ABI2: variants seen among roughly 807,000 people sequenced by gnomAD.
The protein encoded by ABI2 is abelson interactor 2.
In ABI2, 25 loss-of-function variants were observed where a neutral mutation model predicts 59.2. The observed-to-expected ratio is 0.42, with a 90% confidence interval of 0.31 to 0.59. ABI2 has a LOEUF of 0.59. Among genes scored for constraint, ABI2 ranks in the 20% least tolerant of loss-of-function variants. The pLI, the probability that ABI2 is intolerant of heterozygous loss-of-function variation, is 0.14. For synonymous variants in ABI2, 213 were observed against 235.5 expected, an observed-to-expected ratio of 0.90 and a Z score of 0.87; for missense variants, 545 against 681.8, an observed-to-expected ratio of 0.80 and a Z score of 2.23.
chr2:203,379,027 GT>G (rs1440288472), intron 2 of ABI2, among the ~76,000 whole-genome samples: 1 of 152,158 alleles, frequency 6.6e-6, no homozygotes, highest in African/African-American at 2.4e-5. Flanking sequence ...GCAGCTTGCA[GT>G]TTAAAAAATT....
In ABI2 at chr2:203,350,986, T is replaced by G. The variant is rs978408981; in HGVS notation, c.118-15891T>G. Among the ~76,000 whole-genome samples the G allele has an allele frequency of 4.4e-4, 67 of 152,168 alleles. 1 individual carries two copies. Among genetic ancestry groups the G allele is most frequent in the Non-Finnish European group, 1.5e-4 (10 of 68,032 alleles). On this transcript the variant is annotated intron_variant, in intron 1 of 11. Transcript: ENST00000261018. ...CTCCTAGGAGTTTTATAGTTTTAGCTCTTACATTTAGATCTTTGATCCATT... is the reference window on the plus strand; with the variant it reads ...CTCCTAGGAGTTTTATAGTTTTAGCGCTTACATTTAGATCTTTGATCCATT...
At chr2:203,418,646 C>CT (rs1580673277) in intron 11 of ABI2, among the ~76,000 whole-genome samples, 1 of 152,314 alleles carries the variant, frequency 6.6e-6, no homozygotes, top group East Asian at 1.9e-4. Flanking sequence ...GACACTAGTC[C>CT]TTTTTTCACC....
At chr2:203,349,700 C>T (rs371257211) in intron 1 of ABI2, among the ~76,000 whole-genome samples, 2 of 151,746 alleles carry the variant, frequency 1.3e-5, no homozygotes, top group Non-Finnish European at 2.9e-5. Flanking sequence ...CCACTGTGCC[C>T]GGCTGTGTTC....
rs138159520 is a variant in ABI2 at position 203,406,688 on chromosome 2, A to G, written c.1192+3954A>G. Among the ~76,000 whole-genome samples the G allele has an allele frequency of 1.2e-4, 18 of 152,192 alleles. 1 individual carries two copies. The East Asian group carries it at 3.5e-3, about 29-fold the overall frequency. On this transcript the variant is annotated intron_variant, in intron 9 of 11. Coordinates refer to ENST00000261018, the MANE Select transcript of ABI2 (RefSeq NM_001375670.1). ...GCAGGAAGATTTTTTTTTCTCCCCA[A>G]AGTCTTGCTTTGTTGTCCAGGCTGG...
At position 203,415,616 on chromosome 2, in the gene ABI2, CAAAAAAAAAAA is replaced by C. The variant is rs71007515; in HGVS notation, c.1280-1275_1280-1265del. The stretch of plus-strand genomic sequence containing the variant: ...TGGGCGATAGAGCGAGACTCCGTCT[CAAAAAAAAAAA>C]AAAAAAAAAAAAAAAATCCATTTAA... On this transcript the variant is annotated intron_variant, in intron 10 of 11. Coordinates refer to ENST00000261018, the MANE Select transcript of ABI2 (RefSeq NM_001375670.1). Among the ~76,000 whole-genome samples, 28 of 42,342 alleles carry C rather than the reference CAAAAAAAAAAA, an allele frequency of 6.6e-4. 1 individual carries two copies. The highest frequency in any genetic ancestry group is 3.6e-3 in the East Asian group (5 of 1,402). The allele number at this position is 42,342 out of a possible 152,430, so 27.8% of individuals were successfully genotyped here.
At chr2:203,331,705 T>A (rs2152302025) in intron 1 of ABI2, among the ~76,000 whole-genome samples, 1 of 152,124 alleles carries the variant, frequency 6.6e-6, no homozygotes, top group African/African-American at 2.4e-5. Context: ...TAGCTCGAGT[T>A]AACTAACCCA....
intron 3 of ABI2, 92 bp downstream of exon 3, chr2:203,380,476 C>T (rs1216375226): frequency 5.0e-6 from 4 of 807,734 alleles, no homozygotes; most frequent in Admixed American, 3.4e-5. Context: ...TCTTTCTTTC[C>T]TAGAGGACAA....
intron 1 of ABI2, among the ~76,000 whole-genome samples, chr2:203,354,096 G>C (rs2090563538): frequency 6.6e-6 from 1 of 152,162 alleles, no homozygotes; most frequent in South Asian, 2.1e-4. Flanking sequence ...CCAGGTTGGA[G>C]TGCGGTGGCG....
In ABI2 at chr2:203,344,512, A is replaced by C. The variant is rs564034554; in HGVS notation, c.117+15881A>C. On this transcript the variant is annotated intron_variant, in intron 1 of 11. Transcript: ENST00000261018. ...TCCTGAGTAGCTGTGATTACAGGCA[A>C]CTGCCGCCACACCCGGCTAATTTTT... 5.0e-3 allele frequency among the ~76,000 whole-genome samples: 756 copies of C among 151,436 alleles called. 9 individuals carry two copies. The highest frequency in any genetic ancestry group is 0.017 in the African/African-American group (715 of 41,270).
intron 1 of ABI2, among the ~76,000 whole-genome samples, chr2:203,356,226 C>A (rs1445206873): frequency 2.6e-5 from 4 of 152,024 alleles, no homozygotes; most frequent in Non-Finnish European, 5.9e-5. Context: ...CTTGCTCTGT[C>A]ACCCAGGCTG....
chr2:203,417,318 T>A (rs554015490), intron 11 of ABI2, among the ~76,000 whole-genome samples: 22 of 152,380 alleles, frequency 1.4e-4, no homozygotes, highest in Non-Finnish European at 2.5e-4. Context: ...ACATGCTTTT[T>A]ATGAATGGTT....
At chr2:203,380,700 C>T (rs2096064755) in intron 3 of ABI2, among the ~76,000 whole-genome samples, 1 of 152,102 alleles carries the variant, frequency 6.6e-6, no homozygotes, top group Non-Finnish European at 1.5e-5. Context: ...AAAAATCATT[C>T]ATCATGTTAT....
rs1477476672 is a variant in ABI2 at position 203,431,311 on chromosome 2, C to T, written c.*3959C>T. On this transcript the variant is annotated 3_prime_UTR_variant, in exon 12 of 12. Transcript: ENST00000261018. ...GTGCTCAGTACTTAATTTTCCACTG[C>T]ACCACAACTGTCTTAACTAAATGTG... 1 of 152,574 alleles carries T rather than the reference C, an allele frequency of 6.6e-6. No homozygotes were observed. The highest frequency in any genetic ancestry group is 1.5e-5 in the Non-Finnish European group (1 of 68,042). The allele number at this position is 152,574 out of a possible 1,614,324, so 9.5% of individuals were successfully genotyped here.
intron 2 of ABI2, among the ~76,000 whole-genome samples, chr2:203,371,719 A>G (rs1470020314): frequency 6.6e-6 from 1 of 152,250 alleles, no homozygotes; most frequent in East Asian, 1.9e-4. Flanking sequence ...CAAACATGTA[A>G]TTTTACTGAA....
At chr2:203,343,220 G>A (rs1053310222) in intron 1 of ABI2, among the ~76,000 whole-genome samples, 2 of 151,988 alleles carry the variant, frequency 1.3e-5, no homozygotes, top group Non-Finnish European at 1.5e-5. Flanking sequence ...AAAAATTAGC[G>A]GGATGTGGTG....
chr2:203,351,964 T>C (rs1001221311), intron 1 of ABI2, among the ~76,000 whole-genome samples: 3 of 152,220 alleles, frequency 2.0e-5, no homozygotes, highest in Admixed American at 1.3e-4. Context: ...CCTAGTGACA[T>C]GGTAGCCGTC....
At chr2:203,381,088 C>T (rs2096089409) in intron 3 of ABI2, among the ~76,000 whole-genome samples, 1 of 152,034 alleles carries the variant, frequency 6.6e-6, no homozygotes, top group Admixed American at 6.6e-5. Context: ...TATAATGATA[C>T]TGTACAGTTC....
rs1171041725 is a variant in ABI2 at position 203,380,287 on chromosome 2, A to G, written c.365A>G (p.His122Arg). Residue 122 changes from histidine to arginine, a missense_variant, in exon 3 of 12, where the codon CAT becomes CGT. Transcript: ENST00000261018. ...LTTNKNTSRT[H>R]KIIAPANLER... is the part of the protein sequence containing the mutation. ...ACCAATAAAAACACTTCAAGGACAC[A>G]TAAGATTATTGCTCCAGCCAACCTT... 3.7e-6 allele frequency: 6 copies of G among 1,609,582 alleles called. No individual in the cohort carries two copies. The highest frequency in any genetic ancestry group is 2.2e-5 in the East Asian group (1 of 44,692).
rs560039589 is a variant in ABI2 at position 203,403,733 on chromosome 2, T to G, written c.1192+999T>G. The stretch of plus-strand genomic sequence containing the variant: ...TTTTCTGACTCTAAGTTCCATGTTC[T>G]TTCTTTCTGTTTTTTTTTTTTTTTT... On this transcript the variant is annotated intron_variant, in intron 9 of 11. Transcript: ENST00000261018. Among the ~76,000 whole-genome samples the G allele has an allele frequency of 6.7e-4, 93 of 138,120 alleles. 1 individual carries two copies. The highest frequency in any genetic ancestry group is 2.3e-3 in the African/African-American group (86 of 38,062). The allele number at this position is 138,120 out of a possible 152,430, so 90.6% of individuals were successfully genotyped here.
Sources: allele counts gnomAD v4.1 joint callset (sites outside exome capture counted in the v4.1 genomes callset), GRCh38; gene constraint gnomAD v4.1.1; transcripts MANE v1.5; gene names NCBI Gene and HGNC (gene_info 2026-07-23, HGNC 2026-07-21).